Variants in SFXN5 observed in about 807,000 individuals in gnomAD.
SFXN5 encodes the protein sideroflexin 5.
Under a neutral mutation model 50.2 loss-of-function variants are expected in SFXN5, and 43 were observed. The ratio of observed to expected loss-of-function variants is 0.86; its 90% CI spans 0.67 to 1.11. The LOEUF is 1.11. Among genes scored for constraint, SFXN5 ranks in the 50% least tolerant of loss-of-function variants. The probability of loss-of-function intolerance (pLI) is 0.00; values close to 1 mark genes in which losing one functional copy is unlikely to be tolerated. For synonymous variants in SFXN5, 203 were observed against 185.8 expected (o/e 1.09, Z -0.75); for missense variants, 463 against 454.1 (o/e 1.02, Z -0.18).
intron 6 of SFXN5, among the ~76,000 whole-genome samples, chr2:73,009,394 C>T (rs1559150959): frequency 2.6e-5 from 4 of 152,290 alleles, no homozygotes; most frequent in Admixed American, 2.6e-4. Context: ...GGTGACGGAC[C>T]ATGTTGCTTG....
chr2:73,033,240 T>C (rs991725151), intron 3 of SFXN5, among the ~76,000 whole-genome samples: 2 of 152,248 alleles, frequency 1.3e-5, no homozygotes, highest in Admixed American at 6.5e-5. Context: ...GCATCTACTA[T>C]GTGCTGAACA....
intron 6 of SFXN5, among the ~76,000 whole-genome samples, chr2:73,006,760 C>A (rs1674728987): frequency 6.6e-6 from 1 of 152,194 alleles, no homozygotes; most frequent in South Asian, 2.1e-4. Context: ...CTTTCTAGTC[C>A]AAAATTCTGT....
intron 12 of SFXN5, 107 bp downstream of exon 12, chr2:72,968,341 G>T (rs1339673234): frequency 1.0e-6 from 1 of 970,980 alleles, no homozygotes; most frequent in Non-Finnish European, 1.6e-6. Context: ...ACAAACTGGG[G>T]TGGGCTTCCT....
chr2:72,971,599 C>A lies in SFXN5; in HGVS notation c.712G>T (p.Val238Leu). 5 of 1,613,984 alleles carry A rather than the reference C, an allele frequency of 3.1e-6. No individual in the cohort carries two copies. Among genetic ancestry groups the A allele is most frequent in the Non-Finnish European group, 3.4e-6 (4 of 1,179,946 alleles). The part of the protein sequence containing the change: ...IDVLDSDGNL[V>L]GSSKIAARHA... Reference sequence around the variant, plus strand: ...CGGGCTGCGATCTTGGAGGAGCCCACGAGGTTGCCATCGCTGTCCAGGACA... The same window carrying A: ...CGGGCTGCGATCTTGGAGGAGCCCAAGAGGTTGCCATCGCTGTCCAGGACA... The change falls in exon 11 of 14, where the codon GTG (valine) becomes TTG (leucine). Residue 238 changes from valine (V) to leucine (L), a missense_variant. Physicochemically the swap from Val to Leu is conservative, Grantham distance 32. Coordinates refer to ENST00000272433, the MANE Select transcript of SFXN5 (RefSeq NM_144579.3).
intron 1 of SFXN5, chr2:73,058,954 C>T: frequency 1.5e-6 from 1 of 673,948 alleles, no homozygotes; most frequent in South Asian, 5.2e-5. Context: ...CCCCAGCCCT[C>T]TCCCAGCCTC....
At position 72,957,144 on chromosome 2, in the gene SFXN5, C is replaced by T. The variant is rs747083913; in HGVS notation, c.945+3987G>A. 27 of 450,396 alleles carry T rather than the reference C, an allele frequency of 6.0e-5. No homozygotes were observed. In the Middle Eastern group the frequency reaches 9.8e-4, roughly 16 times the overall value. 27.9% of individuals were successfully genotyped at this position (450,396 alleles called of 1,614,324 possible). A position where few individuals can be genotyped will look rare whatever the true frequency, so the allele number is the denominator to read the frequency against. ...TCCCCTTTCTCAGCTTCAACTCCCCCCCATACACTGAAGGTTCCGTATCTC... is the reference window on the plus strand; with the variant it reads ...TCCCCTTTCTCAGCTTCAACTCCCCTCCATACACTGAAGGTTCCGTATCTC... On this transcript the variant is annotated intron_variant, in intron 13 of 13. Transcript: ENST00000272433.
At position 73,058,542 on chromosome 2, in the gene SFXN5, G is replaced by C; in HGVS notation, c.157C>G (p.Leu53Val). ...CCATGACTTACCTCAGTGACAAAGA[G>C]TGTGCGAGGGTCGATGATATCCAAG... is the stretch of plus-strand genomic sequence containing the variant. ...HFLDIIDPRT[L>V]FVTERRLREA... Residue 53 changes from leucine (L) to valine (V), a missense_variant, in exon 2 of 14, where the codon CTC (leucine) becomes GTC (valine). Physicochemically the swap from Leu to Val is conservative, Grantham distance 32. Transcript: ENST00000272433. 6.2e-7 allele frequency: 1 copy of C among 1,614,158 alleles called. No individual in the cohort carries two copies. Among genetic ancestry groups the C allele is most frequent in the Non-Finnish European group, 8.5e-7 (1 of 1,180,006 alleles).
At chr2:73,054,625 G>A (rs1048276289) in intron 2 of SFXN5, among the ~76,000 whole-genome samples, 13 of 152,124 alleles carry the variant, frequency 8.5e-5, no homozygotes, top group African/African-American at 3.1e-4. Flanking sequence ...GCCTGTTCAT[G>A]GTAATCTGGC....
intron 2 of SFXN5, 176 bp downstream of exon 2, chr2:73,058,352 C>A: frequency 1.7e-6 from 1 of 584,942 alleles, no homozygotes; most frequent in Non-Finnish European, 3.1e-6. Flanking sequence ...TACAGACAGA[C>A]ACACAGATAC....
intron 2 of SFXN5, among the ~76,000 whole-genome samples, chr2:73,048,822 G>A (rs1414562458): frequency 4.6e-5 from 7 of 152,182 alleles, no homozygotes; most frequent in African/African-American, 1.4e-4. Flanking sequence ...TTCTGGAAGT[G>A]AGATTTCTGA....
intron 12 of SFXN5, among the ~76,000 whole-genome samples, chr2:72,966,077 C>G (rs1218866887): frequency 6.6e-6 from 1 of 152,190 alleles, no homozygotes; most frequent in Non-Finnish European, 1.5e-5. Flanking sequence ...GGGTGGAGCG[C>G]TCCCAGGCTC....
At chr2:73,004,992 G>T (rs1174624926) in intron 6 of SFXN5, among the ~76,000 whole-genome samples, 1 of 152,188 alleles carries the variant, frequency 6.6e-6, no homozygotes, top group Non-Finnish European at 1.5e-5. Context: ...CAGGGGAAAG[G>T]AAGAAAGAGA....
At chr2:73,043,117 C>T (rs1250593332) in intron 2 of SFXN5, among the ~76,000 whole-genome samples, 1 of 152,158 alleles carries the variant, frequency 6.6e-6, no homozygotes, top group Non-Finnish European at 1.5e-5. Flanking sequence ...AAACAATAAA[C>T]AGACAACAGT....
At chr2:72,947,113 C>A (rs548539159) in intron 13 of SFXN5, among the ~76,000 whole-genome samples, 2 of 152,314 alleles carry the variant, frequency 1.3e-5, no homozygotes, top group South Asian at 2.1e-4. Flanking sequence ...ACCTCTGTGG[C>A]CCCCATAGCT....
chr2:73,068,364 G>T (rs13403043), intron 1 of SFXN5, among the ~76,000 whole-genome samples: 4,614 of 152,214 alleles, frequency 0.03, 232 homozygotes, highest in African/African-American at 0.11. Context: ...AGAGATGTGG[G>T]CTGGGCCCTA....
intron 2 of SFXN5, among the ~76,000 whole-genome samples, chr2:73,044,119 G>A (rs1172331924): frequency 6.6e-6 from 1 of 152,166 alleles, no homozygotes; most frequent in Non-Finnish European, 1.5e-5. Context: ...CCACTCCAGG[G>A]ATTCTCCTGA....
intron 12 of SFXN5, among the ~76,000 whole-genome samples, chr2:72,964,979 T>C (rs1217183732): frequency 6.6e-6 from 1 of 152,236 alleles, no homozygotes; most frequent in African/African-American, 2.4e-5. Context: ...CCCAGGCCTG[T>C]GCCCACGGAC....
chr2:73,020,455 C>G (rs1294358475), intron 5 of SFXN5, among the ~76,000 whole-genome samples, 191 bp from the exon 6 acceptor site: 3 of 152,148 alleles, frequency 2.0e-5, no homozygotes, highest in Non-Finnish European at 2.9e-5. Context: ...GTGTCCCCAG[C>G]CTCCTCTTCT....
At chr2:73,028,839 G>A (rs535755354) in intron 3 of SFXN5, among the ~76,000 whole-genome samples, 32 of 152,284 alleles carry the variant, frequency 2.1e-4, no homozygotes, top group African/African-American at 7.7e-4. Context: ...CTTCAGAGCA[G>A]AAAGACATGA....
Sources: gnomAD v4.1 joint callset for allele counts (sites outside exome capture counted in the v4.1 genomes callset) on GRCh38, gnomAD v4.1.1 for gene constraint, MANE v1.5 for transcripts, NCBI Gene and HGNC (gene_info 2026-07-23, HGNC 2026-07-21) for gene names.